Variants in CALCB observed in about 807,000 individuals in gnomAD.
The protein encoded by CALCB is calcitonin gene-related peptide 2.
CALCB carries 8 observed loss-of-function variants against 10.7 expected under a neutral mutation model. That is an observed-to-expected ratio of 0.75 (90% CI 0.44 to 1.34). The LOEUF is 1.34. Among genes scored for constraint, CALCB ranks in the 40% most tolerant of loss-of-function variants. CALCB has a pLI of 0.01. For missense variants in CALCB, 176 were observed against 162.5 expected (o/e 1.08, Z -0.45); for synonymous variants, 76 against 66.9 (o/e 1.14, Z -0.66).
At position 15,075,153 on chromosome 11, in the gene CALCB, TGAA is replaced by T; in HGVS notation, c.181_183del (p.Lys61del). On this transcript the variant is annotated inframe_deletion, in exon 3 of 5. Transcript: ENST00000324229. Reference sequence around the variant, plus strand: ...GCACTGGTGCAGGACTATGTGCAGATGAAGGCCAGTGAGCTGAAGCAGGAGCAG... The same window carrying T: ...GCACTGGTGCAGGACTATGTGCAGATGGCCAGTGAGCTGAAGCAGGAGCAG... The T allele has an allele frequency of 4.3e-6, 7 of 1,614,112 alleles. No individual in the cohort carries two copies. The highest frequency in any genetic ancestry group is 5.9e-6 in the Non-Finnish European group (7 of 1,180,012).
chr11:15,077,525 T>C (rs1850407556), intron 4 of CALCB, 55 bp downstream of exon 4: 1 of 1,545,148 alleles, frequency 6.5e-7, no homozygotes, highest in African/African-American at 1.4e-5. Context: ...AGTTAAAACC[T>C]ACATTTTGAA....
rs61736643 is a variant in CALCB, at chr11:15,075,109, C to T, written c.135C>T (p.Asp45=). The part of the protein sequence containing the change: ...SPDPATLSKE[D]ARLLLAALVQ... ...ACCCGGCCACACTCAGTAAAGAGGA[C>T]GCGCGCCTCCTGCTGGCTGCACTGG... is the stretch of plus-strand genomic sequence containing the variant. The change falls in exon 3 of 5, where the codon GAC becomes GAT. Residue 45 remains aspartate (D), a synonymous_variant. Transcript: ENST00000324229. The T allele has an allele frequency of 1.4e-3, 2,328 of 1,614,204 alleles. 36 individuals are homozygous for T. The African/African-American group carries it at 0.028, about 19-fold the overall frequency.
At chr11:15,074,232 T>C (rs1436615578) in intron 1 of CALCB, among the ~76,000 whole-genome samples, 1 of 152,258 alleles carries the variant, frequency 6.6e-6, no homozygotes, top group Non-Finnish European at 1.5e-5. Context: ...CACCCGTAAC[T>C]GGCACGTTAA....
chr11:15,074,711 G>A lies in CALCB; in HGVS notation c.-8G>A. The stretch of plus-strand genomic sequence containing the variant: ...AGTAACGTCATCCTTCCTTTACAGA[G>A]AGGCGGCATGGGTTTCCGGAAGTTC... On this transcript the variant is annotated splice_region_variant and 5_prime_UTR_variant, in exon 2 of 5. Coordinates refer to ENST00000324229, the MANE Select transcript of CALCB (RefSeq NM_000728.4). 10 of 1,612,700 alleles carry A rather than the reference G, an allele frequency of 6.2e-6. No homozygotes were observed. The highest frequency in any genetic ancestry group is 7.6e-6 in the Non-Finnish European group (9 of 1,178,908).
chr11:15,074,979 A>G, intron 2 of CALCB, 82 bp from the exon 3 acceptor site: 1 of 1,554,752 alleles, frequency 6.4e-7, no homozygotes, highest in Non-Finnish European at 8.9e-7. Context: ...GAAGAAGCAG[A>G]GACCAGGAAG....
At position 15,075,087 on chromosome 11, in the gene CALCB, C is replaced by T. The variant is rs774903834; in HGVS notation, c.113C>T (p.Pro38Leu). The T allele has an allele frequency of 4.7e-5, 76 of 1,614,096 alleles. No individual in the cohort carries two copies. The highest frequency in any genetic ancestry group is 6.4e-5 in the Non-Finnish European group (75 of 1,180,048). ...FRSALESSPDPATLSKEDARL... is the reference protein window; with the variant it reads ...FRSALESSPDLATLSKEDARL... Reference sequence around the variant, plus strand: ...TCTGCCCTGGAGAGCAGCCCAGACCCGGCCACACTCAGTAAAGAGGACGCG... The same window carrying T: ...TCTGCCCTGGAGAGCAGCCCAGACCTGGCCACACTCAGTAAAGAGGACGCG... Residue 38 changes from proline to leucine, a missense_variant, in exon 3 of 5, where the codon CCG (proline) becomes CTG (leucine). Pro to Leu is a moderately conservative substitution (Grantham distance 98). Transcript: ENST00000324229.
At position 15,074,730 on chromosome 11, in the gene CALCB, G is replaced by C; in HGVS notation, c.12G>C (p.Arg4=). The C allele has an allele frequency of 6.2e-7, 1 of 1,614,066 alleles. No individual in the cohort carries two copies. MGF[R]KFSPFLALSI... is the part of the protein sequence containing the mutation. ...TACAGAGAGGCGGCATGGGTTTCCG[G>C]AAGTTCTCCCCCTTCCTGGCTCTCA... The change falls in exon 2 of 5, where the codon CGG becomes CGC. Residue 4 remains arginine (R), a synonymous_variant. Coordinates refer to ENST00000324229, the MANE Select transcript of CALCB (RefSeq NM_000728.4).
At position 15,077,366 on chromosome 11, in the gene CALCB, G is replaced by A; in HGVS notation, c.305G>A (p.Gly102Asp). The change falls in exon 4 of 5, where the codon GGC (glycine) becomes GAC (aspartate). Residue 102 changes from glycine to aspartate, a missense_variant. By Grantham distance (94) the Gly-to-Asp change is moderately conservative. Transcript: ENST00000324229. ...GCAGGCTTGCTGAGCAGATCAGGGG[G>A]CATGGTGAAGAGCAACTTCGTGCCC... ...RLAGLLSRSG[G>D]MVKSNFVPTN... The A allele has an allele frequency of 3.7e-6, 6 of 1,614,264 alleles. No individual in the cohort carries two copies. The highest frequency in any genetic ancestry group is 2.2e-5 in the South Asian group (2 of 91,088).
intron 2 of CALCB, 114 bp downstream of exon 2, chr11:15,074,918 C>A: frequency 7.3e-7 from 1 of 1,375,418 alleles, no homozygotes; most frequent in Non-Finnish European, 1.0e-6. Context: ...CACAGGTGGA[C>A]CCTGGCCTCA....
At chr11:15,077,928 C>T (rs563593567) in intron 4 of CALCB, among the ~76,000 whole-genome samples, 155 bp from the exon 5 acceptor site, 1 of 152,300 alleles carries the variant, frequency 6.6e-6, no homozygotes, top group South Asian at 2.1e-4. Context: ...AGAAACACTT[C>T]TGTAAATTAG....
In CALCB at chr11:15,075,603, A is replaced by G. The variant is rs555526415; in HGVS notation, c.224+405A>G. Among the ~76,000 whole-genome samples, 126 of 152,324 alleles carry G rather than the reference A, an allele frequency of 8.3e-4. 1 individual carries two copies. The highest frequency in any genetic ancestry group is 3.4e-4 in the Non-Finnish European group (23 of 68,024). On this transcript the variant is annotated intron_variant, in intron 3 of 4. Transcript: ENST00000324229. ...GGGTGAAGTCAGGAATAGACCCAAT[A>G]TCTCAGAAAGTTTTAGAAATTTCAC... is the stretch of plus-strand genomic sequence containing the variant.
At chr11:15,074,680 T>G in intron 1 of CALCB, 30 bp from the exon 2 acceptor site, 1 of 1,543,528 alleles carries the variant, frequency 6.5e-7, no homozygotes, top group Non-Finnish European at 8.9e-7. Context: ...TCTGTGCTGG[T>G]GCAGTAGTAA....
At chr11:15,074,117 T>C (rs1850372565) in intron 1 of CALCB, among the ~76,000 whole-genome samples, 1 of 152,266 alleles carries the variant, frequency 6.6e-6, no homozygotes, top group African/African-American at 2.4e-5. Context: ...GGCAGTGTTG[T>C]TAGCGGACTA....
rs995946836 is a variant in CALCB, at chr11:15,077,347, T to G, written c.286T>G (p.Leu96Val). The change falls in exon 4 of 5, where the codon TTG (leucine) becomes GTG (valine). Residue 96 changes from leucine (L) to valine (V), a missense_variant. Leu to Val is a conservative substitution (Grantham distance 32). Coordinates refer to ENST00000324229, the MANE Select transcript of CALCB (RefSeq NM_000728.4). ...ATCVTHRLAG[L>V]LSRSGGMVKS... ...CTGTGTGACTCATCGGCTGGCAGGCTTGCTGAGCAGATCAGGGGGCATGGT... is the reference window on the plus strand; with the variant it reads ...CTGTGTGACTCATCGGCTGGCAGGCGTGCTGAGCAGATCAGGGGGCATGGT... 1 of 1,614,232 alleles carries G rather than the reference T, an allele frequency of 6.2e-7. No individual in the cohort carries two copies. Among genetic ancestry groups the G allele is most frequent in the Non-Finnish European group, 8.5e-7 (1 of 1,180,044 alleles).
chr11:15,074,237 C>T (rs566150681), intron 1 of CALCB, among the ~76,000 whole-genome samples: 11 of 152,366 alleles, frequency 7.2e-5, no homozygotes, highest in African/African-American at 2.6e-4. Context: ...GTAACTGGCA[C>T]GTTAAAAATT....
intron 3 of CALCB, 25 bp downstream of exon 3, chr11:15,075,223 C>G (rs1292408661): frequency 6.2e-7 from 1 of 1,613,652 alleles, no homozygotes; most frequent in Non-Finnish European, 8.5e-7. Flanking sequence ...GCGCCCAGCA[C>G]AGGGACTCCT....
Position 15,074,796 on chromosome 11 carries a change from G to A in CALCB, c.78G>A (p.Ala26=). ...VLYQAGSLQA[A]PFRSALESSP... ...ACCAGGCGGGCAGCCTCCAGGCGGC[G>A]CCATTCAGGTGAGACAGCCTGGAGC... The change falls in exon 2 of 5, where the codon GCG becomes GCA. Residue 26 remains alanine, a synonymous_variant. Transcript: ENST00000324229. 6.2e-7 allele frequency: 1 copy of A among 1,613,496 alleles called. No homozygotes were observed. The highest frequency in any genetic ancestry group is 8.5e-7 in the Non-Finnish European group (1 of 1,179,606).
Position 15,077,395 on chromosome 11 carries a change from A to G in CALCB, c.334A>G (p.Asn112Asp), listed in dbSNP as rs1850405886. ...GMVKSNFVPT[N>D]VGSKAFGRRR... ...GGTGAAGAGCAACTTCGTGCCCACC[A>G]ATGTGGGTTCCAAAGCCTTTGGCAG... The change falls in exon 4 of 5, where the codon AAT (asparagine) becomes GAT (aspartate). Residue 112 changes from asparagine (N) to aspartate (D), a missense_variant. Coordinates refer to ENST00000324229, the MANE Select transcript of CALCB (RefSeq NM_000728.4). The G allele has an allele frequency of 1.9e-6, 3 of 1,614,104 alleles. No homozygotes were observed. The highest frequency in any genetic ancestry group is 2.5e-6 in the Non-Finnish European group (3 of 1,180,050).
intron 3 of CALCB, among the ~76,000 whole-genome samples, chr11:15,076,035 G>A (rs1040304141): frequency 1.4e-4 from 22 of 152,108 alleles, no homozygotes; most frequent in Non-Finnish European, 3.2e-4. Flanking sequence ...CTAATGGAGT[G>A]TGTGTGAGCT....
Sources: allele counts gnomAD v4.1 joint callset (sites outside exome capture counted in the v4.1 genomes callset), GRCh38; gene constraint gnomAD v4.1.1; transcripts MANE v1.5; gene names NCBI Gene and HGNC (gene_info 2026-07-23, HGNC 2026-07-21).